The following TERB1 variants were observed in gnomAD, a reference collection of about 807,000 sequenced individuals.
TERB1 encodes telomere repeat binding bouquet formation protein 1, also known as telomere repeats-binding bouquet formation protein 1.
Under a neutral mutation model 92.3 loss-of-function variants are expected in TERB1, and 63 were observed. The ratio of observed to expected loss-of-function variants is 0.68; its 90% CI spans 0.56 to 0.84. The LOEUF is 0.84. Among genes scored for constraint, TERB1 ranks in the 40% least tolerant of loss-of-function variants. The pLI, the probability that TERB1 is intolerant of heterozygous loss-of-function variation, is 0.00. For missense variants in TERB1, 709 were observed against 843.7 expected, an observed-to-expected ratio of 0.84 and a Z score of 1.98; for synonymous variants, 252 against 283.9, an observed-to-expected ratio of 0.89 and a Z score of 1.13.
Position 66,772,758 on chromosome 16 carries a change from T to C in TERB1, c.1112-9A>G, listed in dbSNP as rs1337352348. The stretch of plus-strand genomic sequence containing the variant: ...TAGAGATAATTTCTCAGCTTTGTAG[T>C]ATGGGAAAAAACAATGAATGAAAAG... On this transcript the variant is annotated splice_polypyrimidine_tract_variant and intron_variant, in intron 12 of 18. Transcript: ENST00000433154. 2.0e-6 allele frequency: 3 copies of C among 1,524,976 alleles called. No homozygotes were observed. The highest frequency in any genetic ancestry group is 4.5e-5 in the Admixed American group (2 of 44,906). The allele number at this position is 1,524,976 out of a possible 1,614,324, so 94.5% of individuals were successfully genotyped here.
At chr16:66,780,024 T>C (rs8053587) in intron 9 of TERB1, among the ~76,000 whole-genome samples, 77,015 of 151,956 alleles carry the variant, frequency 0.51, 20,401 homozygotes, top group African/African-American at 0.64. Flanking sequence ...CCACCATGCC[T>C]AGCTAGAAAT....
intron 5 of TERB1, among the ~76,000 whole-genome samples, chr16:66,788,965 TA>T (rs1208108408): frequency 1.6e-5 from 2 of 128,760 alleles, no homozygotes; most frequent in African/African-American, 3.1e-5. Context: ...CTCATGGAGA[TA>T]GATGATTACC....
In TERB1 at chr16:66,769,997, T is replaced by C; in HGVS notation, c.1585A>G (p.Thr529Ala). The C allele has an allele frequency of 1.3e-6, 2 of 1,550,638 alleles. No homozygotes were observed. The highest frequency in any genetic ancestry group is 1.7e-6 in the Non-Finnish European group (2 of 1,146,738). ...SSCNQNLHEETTFEKNFVSQS... is the reference protein window; with the variant it reads ...SSCNQNLHEEATFEKNFVSQS... ...GAAACAAAATTCTTTTCAAAAGTAGTTTCTTCATGTAAGTTTTGATTGCAG... is the reference window on the plus strand; with the variant it reads ...GAAACAAAATTCTTTTCAAAAGTAGCTTCTTCATGTAAGTTTTGATTGCAG... The change falls in exon 14 of 19, where the codon ACT becomes GCT. Residue 529 changes from threonine (T) to alanine (A), a missense_variant. Thr to Ala is a moderately conservative substitution (Grantham distance 58). Transcript: ENST00000433154.
In TERB1 at chr16:66,797,019, C is replaced by T. The variant is rs140985185; in HGVS notation, c.-32-189G>A. 9.2e-5 allele frequency among the ~76,000 whole-genome samples: 14 copies of T among 152,224 alleles called. No individual in the cohort carries two copies. In the East Asian group the frequency reaches 2.7e-3, roughly 29 times the overall value. On this transcript the variant is annotated intron_variant, in intron 2 of 18. Coordinates refer to ENST00000433154, the MANE Select transcript of TERB1 (RefSeq NM_001136505.2). ...CTGCAACTTATTAGATGCGTGATAT[C>T]AAGCAGGTTGATTAAATTCTTTGAG...
intron 3 of TERB1, 22 bp from the exon 4 acceptor site, chr16:66,791,041 A>C: frequency 2.2e-6 from 3 of 1,333,882 alleles, no homozygotes. Flanking sequence ...AAATGTCATT[A>C]TTTTAAACCA....
intron 2 of TERB1, chr16:66,800,344 TG>T (rs1959238397): frequency 6.7e-6 from 1 of 150,194 alleles, no homozygotes; most frequent in Non-Finnish European, 1.5e-5. Flanking sequence ...CCAACCTGGA[TG>T]ATGGAGGGAG....
At chr16:66,794,275 T>C (rs1342674138) in intron 3 of TERB1, among the ~76,000 whole-genome samples, 1 of 152,012 alleles carries the variant, frequency 6.6e-6, no homozygotes, top group Admixed American at 6.5e-5. Context: ...AATTTTTATA[T>C]TTTTTGTATA....
intron 14 of TERB1, among the ~76,000 whole-genome samples, chr16:66,769,358 G>A (rs1430673769): frequency 3.3e-5 from 5 of 152,042 alleles, no homozygotes; most frequent in Admixed American, 6.6e-5. Flanking sequence ...CAACCTGCCC[G>A]AAATGTAGCA....
intron 5 of TERB1, among the ~76,000 whole-genome samples, chr16:66,790,046 T>C (rs1310072877): frequency 2.6e-5 from 4 of 152,108 alleles, no homozygotes; most frequent in African/African-American, 9.7e-5. Context: ...AATATAAGAA[T>C]ATAAAGTTGG....
At chr16:66,800,247 T>C (rs1193357997) in intron 2 of TERB1, 3 of 151,634 alleles carry the variant, frequency 2.0e-5, no homozygotes, top group Non-Finnish European at 2.9e-5. Context: ...GCACCTGTAA[T>C]CCCAGTTACT....
At chr16:66,755,798 A>T (rs2018127871) in intron 18 of TERB1, among the ~76,000 whole-genome samples, 1 of 152,162 alleles carries the variant, frequency 6.6e-6, no homozygotes, top group South Asian at 2.1e-4. Context: ...AAATAAAAAT[A>T]AAAAACAGCT....
chr16:66,799,029 A>C (rs780435045), intron 2 of TERB1, among the ~76,000 whole-genome samples: 33 of 152,336 alleles, frequency 2.2e-4, no homozygotes, highest in South Asian at 1.2e-3. Flanking sequence ...CCCATATATA[A>C]ATACATATTG....
At chr16:66,762,842 C>T (rs1029969021) in intron 16 of TERB1, among the ~76,000 whole-genome samples, 1 of 151,318 alleles carries the variant, frequency 6.6e-6, no homozygotes, top group African/African-American at 2.4e-5. Context: ...CAACACCACA[C>T]TCAGCTAATT....
intron 7 of TERB1, 26 bp from the exon 8 acceptor site, chr16:66,786,155 T>C: frequency 6.5e-7 from 1 of 1,534,022 alleles, no homozygotes; most frequent in South Asian, 1.2e-5. Flanking sequence ...GAAAAGAAAG[T>C]AAATTAATAC....
chr16:66,784,405 C>T (rs112609014), intron 9 of TERB1, among the ~76,000 whole-genome samples: 2,389 of 151,478 alleles, frequency 0.016, 56 homozygotes, highest in South Asian at 0.095. Flanking sequence ...GATCTTGGCT[C>T]ACTGCAAGCC....
chr16:66,787,283 C>CTTT (rs58213946), intron 6 of TERB1, among the ~76,000 whole-genome samples: 1 of 137,892 alleles, frequency 7.3e-6, no homozygotes, highest in Admixed American at 7.3e-5. Context: ...TTTTCTTTTT[C>CTTT]TTTTTTTTTT....
intron 13 of TERB1, among the ~76,000 whole-genome samples, chr16:66,770,820 A>G (rs908569756): frequency 6.6e-6 from 1 of 152,168 alleles, no homozygotes; most frequent in African/African-American, 2.4e-5. Context: ...AATAATATGT[A>G]TAAAGCATAT....
At chr16:66,764,037 G>T (rs1457138798) in intron 16 of TERB1, among the ~76,000 whole-genome samples, 1 of 152,044 alleles carries the variant, frequency 6.6e-6, no homozygotes, top group African/African-American at 2.4e-5. Context: ...AGGGTTGCAG[G>T]GAACGAGACC....
intron 9 of TERB1, among the ~76,000 whole-genome samples, chr16:66,782,395 C>T (rs2018651686): frequency 6.6e-6 from 1 of 151,954 alleles, no homozygotes; most frequent in Admixed American, 6.6e-5. Flanking sequence ...ACTAAAAATA[C>T]AAAAATTAGC....
Sources: allele counts gnomAD v4.1 joint callset (sites outside exome capture counted in the v4.1 genomes callset), GRCh38; gene constraint gnomAD v4.1.1; transcripts MANE v1.5; gene names NCBI Gene and HGNC (gene_info 2026-07-23, HGNC 2026-07-21).